WSCD1: variants seen among roughly 807,000 people sequenced by gnomAD.
WSCD1 encodes the protein WSC domain sialate O sulfotransferase 1, also known as sialate:O-sulfotransferase 1.
In WSCD1, 41 loss-of-function variants were observed where a neutral mutation model predicts 60.4. That is an observed-to-expected ratio of 0.68 (90% CI 0.53 to 0.88). WSCD1 has a LOEUF of 0.88. Among genes scored for constraint, WSCD1 ranks in the 40% least tolerant of loss-of-function variants. The pLI, the probability that WSCD1 is intolerant of heterozygous loss-of-function variation, is 0.00. For synonymous variants in WSCD1, 361 were observed against 332.5 expected (o/e 1.09, Z -0.93); for missense variants, 784 against 796.2 (o/e 0.98, Z 0.18).
chr17:6,084,033 T>C (rs964369497), intron 2 of WSCD1, among the ~76,000 whole-genome samples: 7 of 152,134 alleles, frequency 4.6e-5, no homozygotes, highest in African/African-American at 1.7e-4. Flanking sequence ...ATAATTATAA[T>C]ACTTCCAGGT....
At chr17:6,105,683 G>A (rs114742782) in intron 5 of WSCD1, among the ~76,000 whole-genome samples, 2,965 of 152,258 alleles carry the variant, frequency 0.019, 49 homozygotes, top group Middle Eastern at 0.065. Context: ...AAAAAGGTTC[G>A]GGTCACTGCT....
chr17:6,102,243 G>T (rs1218253489), intron 5 of WSCD1, among the ~76,000 whole-genome samples: 1 of 152,226 alleles, frequency 6.6e-6, no homozygotes, highest in Non-Finnish European at 1.5e-5. Context: ...GAACCTGTTT[G>T]TTCTCAGCTG....
chr17:6,118,110 A>G lies in WSCD1; in HGVS notation c.1297A>G (p.Arg433Gly). The change falls in exon 8 of 9, where the codon AGG (arginine) becomes GGG (glycine). Residue 433 changes from arginine (R) to glycine (G), a missense_variant. Coordinates refer to ENST00000317744, the MANE Select transcript of WSCD1 (RefSeq NM_015253.2). The surrounding 1 kb of genome is among the most constrained non-coding windows in gnomAD (Gnocchi z 5.8). ...CATCCTGCTAATCCGGAACCCATAC[A>G]GGTCCCTGGTGGCAGAATTCAACAG... The part of the protein sequence containing the change: ...SAILLIRNPY[R>G]SLVAEFNRKC... 6.2e-7 allele frequency: 1 copy of G among 1,614,190 alleles called. No individual in the cohort carries two copies.
rs1238029447 is a variant in WSCD1, at chr17:6,118,403, A to G, written c.1375+215A>G. Among the ~76,000 whole-genome samples the G allele has an allele frequency of 6.6e-6, 1 of 152,186 alleles. No individual in the cohort carries two copies. The highest frequency in any genetic ancestry group is 2.4e-5 in the African/African-American group (1 of 41,468). ...TTGCCCCCCATGCCTGCTGAGGTCC[A>G]TACGCCAAGGCATTTTACTTAGATG... is the stretch of plus-strand genomic sequence containing the variant. On this transcript the variant is annotated intron_variant, in intron 8 of 8. Transcript: ENST00000317744. The surrounding 1 kb of genome is among the most constrained non-coding windows in gnomAD (Gnocchi z 5.8).
At position 6,120,386 on chromosome 17, in the gene WSCD1, C is replaced by T. The variant is rs772436974; in HGVS notation, c.1453C>T (p.Leu485=). 3 of 1,613,958 alleles carry T rather than the reference C, an allele frequency of 1.9e-6. No individual in the cohort carries two copies. Among genetic ancestry groups the T allele is most frequent in the East Asian group, 2.2e-5 (1 of 44,898 alleles). The change falls in exon 9 of 9, where the codon CTG becomes TTG. Residue 485 remains leucine (L), a synonymous_variant. Transcript: ENST00000317744. ...VLDWLKYGKR[L]LVVHYEELRR... is the part of the protein sequence containing the mutation. ...GGACTGGCTCAAGTACGGGAAGCGG[C>T]TGCTGGTGGTGCACTACGAGGAGCT...
Position 6,075,438 on chromosome 17 carries a change from A to C in WSCD1, c.-289+4786A>C, listed in dbSNP as rs1908788486. On this transcript the variant is annotated intron_variant, in intron 1 of 8. Coordinates refer to ENST00000317744, the MANE Select transcript of WSCD1 (RefSeq NM_015253.2). The surrounding 1 kb of genome is among the most constrained non-coding windows in gnomAD (Gnocchi z 4.1). ...GCCACCCCTCAGTCTCTGGACCCCT[A>C]GCCTGGCTGAGAAGTGGCCACCTGA... Among the ~76,000 whole-genome samples the C allele has an allele frequency of 6.6e-6, 1 of 152,016 alleles. No individual in the cohort carries two copies. Among genetic ancestry groups the C allele is most frequent in the Non-Finnish European group, 1.5e-5 (1 of 67,974 alleles).
At chr17:6,094,932 A>G (rs2150550413) in intron 4 of WSCD1, among the ~76,000 whole-genome samples, 170 bp from the exon 5 acceptor site, 1 of 152,318 alleles carries the variant, frequency 6.6e-6, no homozygotes, top group South Asian at 2.1e-4. Flanking sequence ...TTTCTCTCAG[A>G]AGCTCAGCAT....
chr17:6,090,513 T>C lies in WSCD1; in HGVS notation c.727+8T>C, dbSNP rs762330271. 2 of 1,611,848 alleles carry C rather than the reference T, an allele frequency of 1.2e-6. No individual in the cohort carries two copies. Among genetic ancestry groups the C allele is most frequent in the Non-Finnish European group, 1.7e-6 (2 of 1,179,186 alleles). ...AGCCGGGCTCCAGGAAGCGTGAGTGTGCCAGCCTCTTCCTGAGCTTTGTCC... is the reference window on the plus strand; with the variant it reads ...AGCCGGGCTCCAGGAAGCGTGAGTGCGCCAGCCTCTTCCTGAGCTTTGTCC... On this transcript the variant is annotated splice_region_variant and intron_variant, in intron 4 of 8. Coordinates refer to ENST00000317744, the MANE Select transcript of WSCD1 (RefSeq NM_015253.2).
chr17:6,087,333 A>G (rs1251218708), intron 2 of WSCD1, among the ~76,000 whole-genome samples: 1 of 152,022 alleles, frequency 6.6e-6, no homozygotes, highest in Non-Finnish European at 1.5e-5. Context: ...CCTTCCAGGG[A>G]TGTGTGCAGG....
chr17:6,108,507 A>T (rs1039650084), intron 5 of WSCD1, among the ~76,000 whole-genome samples: 2 of 152,056 alleles, frequency 1.3e-5, no homozygotes, highest in East Asian at 3.9e-4. Flanking sequence ...TACATGTGGG[A>T]GAGGTGGGTG....
At chr17:6,113,889 G>C (rs1219050889) in intron 7 of WSCD1, among the ~76,000 whole-genome samples, 3 of 152,124 alleles carry the variant, frequency 2.0e-5, no homozygotes, top group African/African-American at 4.8e-5. Flanking sequence ...TACTCTATTG[G>C]TGGGAATGTA....
rs1352375988 is a variant in WSCD1 at position 6,120,846 on chromosome 17, A to G, written c.*185A>G. The G allele has an allele frequency of 1.4e-5, 9 of 637,670 alleles. No homozygotes were observed. Among genetic ancestry groups the G allele is most frequent in the African/African-American group, 7.3e-5 (4 of 54,492 alleles). 39.5% of individuals were successfully genotyped at this position (637,670 alleles called of 1,614,324 possible). A position where few individuals can be genotyped will look rare whatever the true frequency, so the allele number is the denominator to read the frequency against. ...AGACACACATCACAAGGCGAACACA[A>G]ATGGACACACATACCTGGCCACGAA... On this transcript the variant is annotated 3_prime_UTR_variant, in exon 9 of 9. Transcript: ENST00000317744.
Position 6,080,928 on chromosome 17 carries a change from C to T in WSCD1, c.270C>T (p.Ser90=), listed in dbSNP as rs1436031878. Reference sequence around the variant, plus strand: ...TGCTGGGTGTGGACATGCTGCAGAGCCCCCTGACCCGGCCCCGGCCCGGCC... The same window carrying T: ...TGCTGGGTGTGGACATGCTGCAGAGTCCCCTGACCCGGCCCCGGCCCGGCC... ...ELLLGVDMLQ[S]PLTRPRPGPR... is the part of the protein sequence containing the mutation. The change falls in exon 2 of 9, where the codon AGC becomes AGT. Residue 90 remains serine (S), a synonymous_variant. Transcript: ENST00000317744. The surrounding 1 kb of genome is among the most constrained non-coding windows in gnomAD (Gnocchi z 6.6). The T allele has an allele frequency of 6.3e-6, 10 of 1,585,604 alleles. No homozygotes were observed. The highest frequency in any genetic ancestry group is 8.5e-6 in the Non-Finnish European group (10 of 1,170,782).
Position 6,077,675 on chromosome 17 carries a change from A to G in WSCD1, c.-288-2696A>G, listed in dbSNP as rs549570302. 7.9e-5 allele frequency among the ~76,000 whole-genome samples: 12 copies of G among 152,250 alleles called. No homozygotes were observed. The South Asian group carries it at 2.3e-3, about 29-fold the overall frequency. Reference sequence around the variant, plus strand: ...TCTGACCACTCCTCACCCCAGCCCTACTTGTATTGTATATCCAAATCCTAT... The same window carrying G: ...TCTGACCACTCCTCACCCCAGCCCTGCTTGTATTGTATATCCAAATCCTAT... On this transcript the variant is annotated intron_variant, in intron 1 of 8. Coordinates refer to ENST00000317744, the MANE Select transcript of WSCD1 (RefSeq NM_015253.2).
chr17:6,078,672 A>C (rs1315516492), intron 1 of WSCD1, among the ~76,000 whole-genome samples: 2 of 152,146 alleles, frequency 1.3e-5, no homozygotes, highest in Non-Finnish European at 2.9e-5. Context: ...GGGCTGGATC[A>C]TGAAGGGGCC....
At position 6,087,867 on chromosome 17, in the gene WSCD1, C is replaced by T. The variant is rs955972210; in HGVS notation, c.428-123C>T. The T allele has an allele frequency of 7.8e-5, 55 of 703,746 alleles. 1 individual carries two copies. The South Asian group carries it at 8.0e-4, about 10-fold the overall frequency. 43.6% of individuals were successfully genotyped at this position (703,746 alleles called of 1,614,324 possible). ...AGTGGGAGGGAGGTAGCCTGCAGCA[C>T]TCATCTCCCGGGTTTCTCTGAGAGT... is the stretch of plus-strand genomic sequence containing the variant. On this transcript the variant is annotated intron_variant, in intron 2 of 8. Coordinates refer to ENST00000317744, the MANE Select transcript of WSCD1 (RefSeq NM_015253.2).
At chr17:6,091,011 C>T (rs576425502) in intron 4 of WSCD1, among the ~76,000 whole-genome samples, 11 of 152,170 alleles carry the variant, frequency 7.2e-5, no homozygotes, top group Non-Finnish European at 1.0e-4. Flanking sequence ...CTGCCTCAGC[C>T]TCCCGAGGAG....
chr17:6,083,704 A>G (rs7216386), intron 2 of WSCD1, among the ~76,000 whole-genome samples: 43,680 of 151,908 alleles, frequency 0.29, 6,457 homozygotes, highest in African/African-American at 0.37. Flanking sequence ...GCTTGAACCC[A>G]GGAGGCAGAG....
intron 5 of WSCD1, among the ~76,000 whole-genome samples, chr17:6,096,462 G>C (rs1910437889): frequency 6.6e-6 from 1 of 152,124 alleles, no homozygotes; most frequent in Admixed American, 6.5e-5. Context: ...AAGGGGGCTG[G>C]ACACCTCCCT....
Sources: allele counts gnomAD v4.1 joint callset (sites outside exome capture counted in the v4.1 genomes callset), GRCh38; gene constraint gnomAD v4.1.1; non-coding constraint Gnocchi (gnomAD v3.1); transcripts MANE v1.5; gene names NCBI Gene and HGNC (gene_info 2026-07-23, HGNC 2026-07-21).